The following ACTR3C variants were observed in gnomAD, a reference collection of about 807,000 sequenced individuals.
ACTR3C encodes actin related protein 3C.
In ACTR3C, 18 loss-of-function variants were observed where a neutral mutation model predicts 26.3. The ratio of observed to expected loss-of-function variants is 0.68; its 90% CI spans 0.47 to 1.01. ACTR3C has a LOEUF of 1.01. ACTR3C is among the 50% of genes least tolerant of loss of function. ACTR3C has a pLI of 0.00. For missense variants in ACTR3C, 184 were observed against 250.7 expected, an observed-to-expected ratio of 0.73 and a Z score of 1.80; for synonymous variants, 55 against 94.5, an observed-to-expected ratio of 0.58 and a Z score of 2.42.
At chr7:150,161,221 T>TATATATATATATATATATATAC in the ACTR3C span, among the ~76,000 whole-genome samples, 1 of 125,640 alleles carries the variant, frequency 8.0e-6, no homozygotes, top group Non-Finnish European at 1.6e-5. Context: ...TATATATATA[T>TATATATATATATATATATATAC]ATATTTATTA....
the ACTR3C span, among the ~76,000 whole-genome samples, chr7:149,984,816 T>C: frequency 6.6e-6 from 1 of 152,124 alleles, no homozygotes; most frequent in Non-Finnish European, 1.5e-5. Context: ...CCAGCCAACA[T>C]GTAAGGAGAA....
rs533605945 is a variant in ACTR3C at position 150,302,757 on chromosome 7, G to A, written c.-51-7410C>T. The A allele has an allele frequency of 5.9e-5, 9 of 151,984 alleles. No homozygotes were observed. In the East Asian group the frequency reaches 9.7e-4, roughly 16 times the overall value. The allele number at this position is 151,984 out of a possible 1,614,324, so 9.4% of individuals were successfully genotyped here. On this transcript the variant is annotated intron_variant, in intron 1 of 7. Coordinates refer to ENST00000683684, the MANE Select transcript of ACTR3C (RefSeq NM_001164458.2). The stretch of plus-strand genomic sequence containing the variant: ...ATCTCTATGTGAAGTGTTAAACTCC[G>A]AGTTATGGCTGTGGGGCAAGATCAC...
chr7:150,146,346 C>A, the ACTR3C span, among the ~76,000 whole-genome samples: 1 of 152,246 alleles, frequency 6.6e-6, no homozygotes, highest in Non-Finnish European at 1.5e-5. Flanking sequence ...TCCTTATTTC[C>A]CCAGTTCAAA....
the ACTR3C span, among the ~76,000 whole-genome samples, chr7:150,067,219 T>C: frequency 6.6e-6 from 1 of 152,210 alleles, no homozygotes; most frequent in Non-Finnish European, 1.5e-5. Flanking sequence ...CTTCTTACAT[T>C]GAATTTAAAT....
At chr7:150,191,336 CCAAA>C in the ACTR3C span, among the ~76,000 whole-genome samples, 1 of 152,046 alleles carries the variant, frequency 6.6e-6, no homozygotes, top group Non-Finnish European at 1.5e-5. Flanking sequence ...ATTAGATCTC[CCAAA>C]CAAAGAAAAC....
the ACTR3C span, among the ~76,000 whole-genome samples, chr7:150,206,766 T>C: frequency 6.6e-6 from 1 of 152,134 alleles, no homozygotes; most frequent in African/African-American, 2.4e-5. Flanking sequence ...TGGGAAGCAA[T>C]GAATAACACC....
the ACTR3C span, among the ~76,000 whole-genome samples, chr7:149,936,924 A>G: frequency 0.96 from 143,966 of 150,544 alleles, 69,060 homozygotes; most frequent in East Asian, 1. Context: ...AAGTAGAGGG[A>G]TACTAAAGGC....
At chr7:150,243,156 T>G (rs1018324547), downstream of ACTR3C, among the ~76,000 whole-genome samples, 2 of 152,210 alleles carry the variant, frequency 1.3e-5, no homozygotes, top group Non-Finnish European at 2.9e-5. Context: ...TTAGTAAACG[T>G]GGTATCAGAA....
At chr7:150,256,017 G>T (rs1833196739) in intron 6 of ACTR3C, among the ~76,000 whole-genome samples, 2 of 152,216 alleles carry the variant, frequency 1.3e-5, no homozygotes, top group African/African-American at 4.8e-5. Context: ...GGGAAACAAT[G>T]TAGAGATACA....
the ACTR3C span, among the ~76,000 whole-genome samples, chr7:150,208,761 A>G: frequency 6.6e-6 from 1 of 152,170 alleles, no homozygotes. Context: ...GCATCCAATC[A>G]AAAATTACCA....
the ACTR3C span, among the ~76,000 whole-genome samples, chr7:150,079,972 A>G: frequency 4.5e-4 from 68 of 152,312 alleles, no homozygotes; most frequent in Non-Finnish European, 9.1e-4. Context: ...CACTGAGGTC[A>G]GAGGCTATTT....
At chr7:150,065,224 T>C in the ACTR3C span, among the ~76,000 whole-genome samples, 5 of 152,182 alleles carry the variant, frequency 3.3e-5, no homozygotes, top group African/African-American at 1.2e-4. Flanking sequence ...AGTAAATCAG[T>C]AGCATAAGGG....
chr7:150,029,881 C>T, the ACTR3C span, among the ~76,000 whole-genome samples: 2 of 151,416 alleles, frequency 1.3e-5, no homozygotes, highest in East Asian at 1.9e-4. Flanking sequence ...GGGTTGTTGC[C>T]TCCACCTGAG....
At chr7:150,284,324 T>C (rs563401673) in intron 6 of ACTR3C, among the ~76,000 whole-genome samples, 122 of 152,280 alleles carry the variant, frequency 8.0e-4, no homozygotes, top group African/African-American at 2.6e-3. Flanking sequence ...GTGGATTGCC[T>C]GAGCTCAGGA....
the ACTR3C span, among the ~76,000 whole-genome samples, chr7:150,036,079 GCT>G: frequency 2.0e-5 from 1 of 50,990 alleles, no homozygotes; most frequent in East Asian, 4.9e-4. Context: ...CGCGAGGGGT[GCT>G]CCCCCCCCTG....
the ACTR3C span, among the ~76,000 whole-genome samples, chr7:150,222,560 T>A: frequency 6.6e-6 from 1 of 152,234 alleles, no homozygotes; most frequent in Non-Finnish European, 1.5e-5. Context: ...TATCTGTGAT[T>A]ACTTGTGTAT....
chr7:149,979,375 G>A, the ACTR3C span, among the ~76,000 whole-genome samples: 1 of 152,158 alleles, frequency 6.6e-6, no homozygotes, highest in East Asian at 1.9e-4. Context: ...AGGTAAGAAT[G>A]GCATCTGTGC....
At chr7:149,892,786 A>G in the ACTR3C span, among the ~76,000 whole-genome samples, 1 of 140,024 alleles carries the variant, frequency 7.1e-6, no homozygotes, top group Non-Finnish European at 1.6e-5. Flanking sequence ...AGAAAAGGAG[A>G]GTAAACTGAA....
At chr7:150,279,539 A>G (rs1448411836) in intron 6 of ACTR3C, among the ~76,000 whole-genome samples, 1 of 150,998 alleles carries the variant, frequency 6.6e-6, no homozygotes, top group Non-Finnish European at 1.5e-5. Flanking sequence ...CAGGCTAAAG[A>G]TATTTTATTG....
Sources: gnomAD v4.1 joint callset for allele counts (sites outside exome capture counted in the v4.1 genomes callset) on GRCh38, gnomAD v4.1.1 for gene constraint, MANE v1.5 for transcripts, NCBI Gene and HGNC (gene_info 2026-07-23, HGNC 2026-07-21) for gene names.